IL17RA: variants seen among roughly 807,000 people sequenced by gnomAD.
The protein encoded by IL17RA is interleukin 17 receptor A, also known as interleukin-17 receptor A.
In IL17RA, 34 loss-of-function variants were observed where a neutral mutation model predicts 50.4. That is an observed-to-expected ratio of 0.67 (90% CI 0.51 to 0.90). The LOEUF (loss-of-function observed/expected upper bound fraction) is 0.90. Among genes scored for constraint, IL17RA ranks in the 40% least tolerant of loss-of-function variants. IL17RA has a pLI of 0.00. For synonymous variants in IL17RA, 585 were observed against 510.4 expected (o/e 1.15, Z -1.97); for missense variants, 1,276 against 1,169.8 (o/e 1.09, Z -1.32).
At chr22:17,099,138 C>T (rs1338375973) in intron 4 of IL17RA, among the ~76,000 whole-genome samples, 2 of 152,216 alleles carry the variant, frequency 1.3e-5, no homozygotes, top group Non-Finnish European at 2.9e-5. Context: ...TTTTTCTTCC[C>T]ACTTTACCTA....
Position 17,086,964 on chromosome 22 carries a change from T to C in IL17RA, c.138+1735T>C, listed in dbSNP as rs143226626. Among the ~76,000 whole-genome samples, 170 of 152,278 alleles carry C rather than the reference T, an allele frequency of 1.1e-3. 2 individuals carry two copies. The highest frequency in any genetic ancestry group is 4.0e-3 in the African/African-American group (165 of 41,556). ...GACTTTCACTGCACAGTGAAGCAAC[T>C]GTAAGTCAGGAGCAGAAGCACGGCC... On this transcript the variant is annotated intron_variant, in intron 1 of 12. Coordinates refer to ENST00000319363, the MANE Select transcript of IL17RA (RefSeq NM_014339.7).
In IL17RA at chr22:17,108,479, C is replaced by G; in HGVS notation, c.1260C>G (p.Ile420Met). Residue 420 changes from isoleucine to methionine, a missense_variant, in exon 13 of 13, where the codon ATC (isoleucine) becomes ATG (methionine). Coordinates refer to ENST00000319363, the MANE Select transcript of IL17RA (RefSeq NM_014339.7). ...VALDLLEEQA[I>M]SEAGVMTWVG... The stretch of plus-strand genomic sequence containing the variant: ...TGGACCTGCTGGAAGAGCAGGCCAT[C>G]TCGGAGGCAGGAGTCATGACCTGGG... 1 of 1,613,548 alleles carries G rather than the reference C, an allele frequency of 6.2e-7. No individual in the cohort carries two copies. The highest frequency in any genetic ancestry group is 8.5e-7 in the Non-Finnish European group (1 of 1,180,040).
chr22:17,107,789 A>C (rs762346764), intron 12 of IL17RA, 21 bp downstream of exon 12: 13 of 1,610,880 alleles, frequency 8.1e-6, no homozygotes, highest in African/African-American at 1.3e-5. Flanking sequence ...CCTGGTTTGC[A>C]TGTTTGCTTA....
chr22:17,094,651 CA>C, intron 1 of IL17RA, among the ~76,000 whole-genome samples: 1 of 28,486 alleles, frequency 3.5e-5, no homozygotes, highest in Non-Finnish European at 6.6e-5. Context: ...TTTAGTCATA[CA>C]CACACTCTCT....
chr22:17,104,918 G>C (rs721930), intron 9 of IL17RA, 108 bp downstream of exon 9: 195,197 of 1,054,154 alleles, frequency 0.19, 19,788 homozygotes, highest in East Asian at 0.32. Flanking sequence ...AGGGAGGAGA[G>C]TTTAGTTTAA....
rs1373038026 is a variant in IL17RA, at chr22:17,104,826, C to G, written c.931+16C>G. ...GACACTCCAGGTAGGGGACATGCGG[C>G]TGTCCTAGGCCATACTGGGAGAACA... On this transcript the variant is annotated intron_variant, in intron 9 of 12. Transcript: ENST00000319363. 6.2e-7 allele frequency: 1 copy of G among 1,612,510 alleles called. No homozygotes were observed. The highest frequency in any genetic ancestry group is 1.1e-5 in the South Asian group (1 of 91,042).
rs2061451455 is a variant in IL17RA at position 17,113,096 on chromosome 22, G to A, written c.*3276G>A. The A allele has an allele frequency of 6.6e-6, 1 of 151,954 alleles. No homozygotes were observed. The highest frequency in any genetic ancestry group is 2.1e-4 in the South Asian group (1 of 4,824). The allele number at this position is 151,954 out of a possible 1,614,324, so 9.4% of individuals were successfully genotyped here. A position where few individuals can be genotyped will look rare whatever the true frequency, so the allele number is the denominator to read the frequency against. On this transcript the variant is annotated 3_prime_UTR_variant, in exon 13 of 13. Transcript: ENST00000319363. ...TGAAGGTGTTTAGGGTCTAAAAAGG[G>A]TGGTGTTCGGTCTCTGAAACATCCA... is the stretch of plus-strand genomic sequence containing the variant.
At chr22:17,104,851 A>G (rs1486469066) in intron 9 of IL17RA, 41 bp downstream of exon 9, 14 of 1,584,196 alleles carry the variant, frequency 8.8e-6, no homozygotes, top group Non-Finnish European at 1.1e-5. Context: ...CTGGGAGAAC[A>G]AGTGGCTGAA....
rs566222386 is a variant in IL17RA, at chr22:17,109,319, C to G, written c.2100C>G (p.Gly700=). ...TCCGGCTGGCACTGGCGGGGGAGGG[C>G]GAGGCCTGCCCGCTGCTGGGCAGCC... ...AAVRLALAGE[G]EACPLLGSPG... Residue 700 remains glycine, a synonymous_variant, in exon 13 of 13, where the codon GGC becomes GGG. Transcript: ENST00000319363. 3.3e-5 allele frequency: 50 copies of G among 1,534,844 alleles called. No homozygotes were observed. In the South Asian group the frequency reaches 5.8e-4, roughly 18 times the overall value.
chr22:17,101,139 G>A (rs980136316), intron 5 of IL17RA, among the ~76,000 whole-genome samples: 16 of 152,048 alleles, frequency 1.1e-4, no homozygotes, highest in Admixed American at 2.6e-4. Flanking sequence ...ATGCAGCCTC[G>A]AACTCCTGGG....
At chr22:17,100,512 C>T (rs368154553) in intron 5 of IL17RA, 31 bp downstream of exon 5, 258 of 1,612,316 alleles carry the variant, frequency 1.6e-4, no homozygotes, top group Non-Finnish European at 2.1e-4. Flanking sequence ...CATTCCCTCC[C>T]CAATGGCCTC....
chr22:17,095,160 A>G (rs1484235965), intron 1 of IL17RA, among the ~76,000 whole-genome samples: 1 of 152,198 alleles, frequency 6.6e-6, no homozygotes, highest in Admixed American at 6.5e-5. Flanking sequence ...CAGAATATCA[A>G]AAGAACAATG....
At chr22:17,091,846 T>G (rs912580698) in intron 1 of IL17RA, among the ~76,000 whole-genome samples, 4 of 152,178 alleles carry the variant, frequency 2.6e-5, no homozygotes, top group Non-Finnish European at 4.4e-5. Context: ...GGCCATTTAG[T>G]AACCTTTTTA....
intron 9 of IL17RA, among the ~76,000 whole-genome samples, chr22:17,105,389 A>C (rs927682134): frequency 1.2e-4 from 19 of 152,180 alleles, no homozygotes; most frequent in South Asian, 4.1e-4. Flanking sequence ...CCAGCCTCCC[A>C]AGGAGGAGGC....
intron 1 of IL17RA, among the ~76,000 whole-genome samples, chr22:17,089,543 T>TC (rs1475452707): frequency 1.3e-5 from 2 of 152,168 alleles, no homozygotes; most frequent in Non-Finnish European, 2.9e-5. Flanking sequence ...GTAATGCCAT[T>TC]CACAAGCAGG....
chr22:17,094,673 C>CTATATATATATATATATG (rs1568917416), intron 1 of IL17RA, among the ~76,000 whole-genome samples: 5 of 47,848 alleles, frequency 1.0e-4, no homozygotes, highest in African/African-American at 4.0e-4. Flanking sequence ...CTCTCTCTCT[C>CTATATATATATATATATG]TCTCTCTCTC....
intron 1 of IL17RA, among the ~76,000 whole-genome samples, chr22:17,091,814 T>G (rs2061349251): frequency 6.6e-6 from 1 of 152,226 alleles, no homozygotes; most frequent in African/African-American, 2.4e-5. Flanking sequence ...TTGGTCTGGG[T>G]CTTCGTTGTT....
chr22:17,089,774 G>A (rs1490062887), intron 1 of IL17RA, among the ~76,000 whole-genome samples: 2 of 152,046 alleles, frequency 1.3e-5, no homozygotes, highest in South Asian at 2.1e-4. Context: ...TGAGGAGGCC[G>A]AAGTGGGAGG....
chr22:17,102,634 A>C (rs2061396066), intron 7 of IL17RA, among the ~76,000 whole-genome samples: 1 of 152,140 alleles, frequency 6.6e-6, no homozygotes, highest in South Asian at 2.1e-4. Flanking sequence ...AATAGAGACA[A>C]AGGGGAACTA....
Sources: gnomAD v4.1 joint callset for allele counts (sites outside exome capture counted in the v4.1 genomes callset) on GRCh38, gnomAD v4.1.1 for gene constraint, MANE v1.5 for transcripts, NCBI Gene and HGNC (gene_info 2026-07-23, HGNC 2026-07-21) for gene names.